ARHGAP24: variants seen among roughly 807,000 people sequenced by gnomAD.
ARHGAP24 encodes the protein rho GTPase-activating protein 24.
Under a neutral mutation model 76.4 loss-of-function variants are expected in ARHGAP24, and 50 were observed. That is an observed-to-expected ratio of 0.65 (90% CI 0.52 to 0.83). The LOEUF (loss-of-function observed/expected upper bound fraction) is 0.83. ARHGAP24 is among the 40% of genes least tolerant of loss of function. The probability of loss-of-function intolerance (pLI) is 0.00; values close to 1 mark genes in which losing one functional copy is unlikely to be tolerated. For synonymous variants in ARHGAP24, 345 were observed against 323.3 expected (o/e 1.07, Z -0.72); for missense variants, 930 against 914.2 (o/e 1.02, Z -0.22).
rs761314516 is a variant in ARHGAP24 at position 85,995,177 on chromosome 4, A to G, written c.1523A>G (p.Tyr508Cys). Residue 508 changes from tyrosine (Y) to cysteine (C), a missense_variant, in exon 9 of 10, where the codon TAT becomes TGT. Physicochemically the swap from Tyr to Cys is radical, Grantham distance 194 (BLOSUM62 -2). Transcript: ENST00000395184. ...AACATGAGCTGGCTGCCAAATGGCTATGTGACCCTGAGGGATAACAAGCAG... is the reference window on the plus strand; with the variant it reads ...AACATGAGCTGGCTGCCAAATGGCTGTGTGACCCTGAGGGATAACAAGCAG... ...VRNMSWLPNG[Y>C]VTLRDNKQKE... is the part of the protein sequence containing the mutation. 44 of 1,613,932 alleles carry G rather than the reference A, an allele frequency of 2.7e-5. No homozygotes were observed. The South Asian group carries it at 4.7e-4, about 17-fold the overall frequency.
At chr4:85,623,642 C>T (rs1404545698) in intron 2 of ARHGAP24, among the ~76,000 whole-genome samples, 3 of 151,656 alleles carry the variant, frequency 2.0e-5, no homozygotes, top group African/African-American at 4.8e-5. Context: ...TCATTGGTAG[C>T]TTGATGGGGA....
At chr4:85,722,148 C>A in intron 3 of ARHGAP24, 176 bp downstream of exon 3, 1 of 590,376 alleles carries the variant, frequency 1.7e-6, no homozygotes, top group East Asian at 3.1e-5. Context: ...AATGAATGCA[C>A]TCACACACAC....
intron 3 of ARHGAP24, among the ~76,000 whole-genome samples, chr4:85,873,446 G>C (rs1732653810): frequency 6.6e-6 from 1 of 152,066 alleles, no homozygotes; most frequent in South Asian, 2.1e-4. Context: ...GCAAATACTG[G>C]GAATTATCTA....
intron 2 of ARHGAP24, among the ~76,000 whole-genome samples, chr4:85,609,355 G>A (rs577244035): frequency 1.1e-4 from 16 of 152,142 alleles, no homozygotes; most frequent in East Asian, 1.9e-4. Context: ...CACTGTCCTC[G>A]TCCAATTGAT....
chr4:85,730,626 C>T (rs1312141805), intron 3 of ARHGAP24, among the ~76,000 whole-genome samples: 1 of 152,078 alleles, frequency 6.6e-6, no homozygotes, highest in Non-Finnish European at 1.5e-5. Context: ...CCAGGCTGGT[C>T]TCAAATCCCT....
chr4:85,696,906 G>GA lies in ARHGAP24; in HGVS notation c.181-24973dup, dbSNP rs34917725. Among the ~76,000 whole-genome samples, 671 of 152,240 alleles carry GA rather than the reference G, an allele frequency of 4.4e-3. 4 individuals carry two copies. Among genetic ancestry groups the GA allele is most frequent in the African/African-American group, 0.016 (649 of 41,536 alleles). On this transcript the variant is annotated intron_variant, in intron 2 of 9. Coordinates refer to ENST00000395184, the MANE Select transcript of ARHGAP24 (RefSeq NM_001025616.3). Reference sequence around the variant, plus strand: ...TGAGGATGGCCCTGTCTTGTCAGTGGAAAAAAGAGGCATTGAAAGGGATGA... The same window carrying GA: ...TGAGGATGGCCCTGTCTTGTCAGTGGAAAAAAAGAGGCATTGAAAGGGATGA...
intron 8 of ARHGAP24, among the ~76,000 whole-genome samples, chr4:85,992,501 G>A (rs1360507002): frequency 2.6e-5 from 4 of 152,000 alleles, no homozygotes; most frequent in Admixed American, 6.6e-5. Flanking sequence ...TAGCTATGAC[G>A]GGAAGCAGTG....
Position 85,847,677 on chromosome 4 carries a change from C to T in ARHGAP24, c.269-75971C>T, listed in dbSNP as rs903726876. On this transcript the variant is annotated intron_variant, in intron 3 of 9. Transcript: ENST00000395184. Reference sequence around the variant, plus strand: ...TATACCTGTCCTATTTGAGGAACTGCAAGGTGATCAGTTTGGCTAGAACTG... The same window carrying T: ...TATACCTGTCCTATTTGAGGAACTGTAAGGTGATCAGTTTGGCTAGAACTG... Among the ~76,000 whole-genome samples, 31 of 152,082 alleles carry T rather than the reference C, an allele frequency of 2.0e-4. 1 individual carries two copies. The highest frequency in any genetic ancestry group is 4.4e-5 in the Non-Finnish European group (3 of 68,016).
chr4:85,717,131 T>C (rs1560599215), intron 2 of ARHGAP24, among the ~76,000 whole-genome samples: 1 of 152,134 alleles, frequency 6.6e-6, no homozygotes, highest in African/African-American at 2.4e-5. Context: ...TGGTTTTGGC[T>C]CAAGTGCATG....
chr4:85,965,885 T>C (rs1738563640), intron 5 of ARHGAP24, among the ~76,000 whole-genome samples: 1 of 152,198 alleles, frequency 6.6e-6, no homozygotes, highest in Non-Finnish European at 1.5e-5. Flanking sequence ...CATTACCTGG[T>C]ACTCTGACAG....
At chr4:85,694,627 A>ACTTT (rs1255432363) in intron 2 of ARHGAP24, among the ~76,000 whole-genome samples, 11 of 152,286 alleles carry the variant, frequency 7.2e-5, no homozygotes, top group African/African-American at 2.6e-4. Flanking sequence ...ATCCTTGAAG[A>ACTTT]CACTGTCCCT....
intron 1 of ARHGAP24, among the ~76,000 whole-genome samples, chr4:85,550,155 T>C (rs1035610441): frequency 6.6e-6 from 1 of 152,216 alleles, no homozygotes; most frequent in African/African-American, 2.4e-5. Context: ...TAATTCTGAT[T>C]TGAGTTCTTT....
chr4:85,785,320 C>T lies in ARHGAP24; in HGVS notation c.268+63348C>T, dbSNP rs1727780990. 2.0e-5 allele frequency among the ~76,000 whole-genome samples: 3 copies of T among 152,170 alleles called. No homozygotes were observed. In the South Asian group the frequency reaches 6.2e-4, roughly 32 times the overall value. ...TTTATCTTAAAGAGACTGCTTTATT[C>T]TCTGAGTTCAATTTGGGTTTTGAAG... is the stretch of plus-strand genomic sequence containing the variant. On this transcript the variant is annotated intron_variant, in intron 3 of 9. Transcript: ENST00000395184.
chr4:85,771,558 T>A (rs1446649671), intron 3 of ARHGAP24, among the ~76,000 whole-genome samples: 2 of 152,212 alleles, frequency 1.3e-5, no homozygotes, highest in Non-Finnish European at 1.5e-5. Context: ...CAATCAGAAA[T>A]AATGTTTTAC....
intron 2 of ARHGAP24, among the ~76,000 whole-genome samples, chr4:85,628,053 G>A (rs958852208): frequency 5.3e-5 from 8 of 152,084 alleles, no homozygotes; most frequent in South Asian, 4.1e-4. Flanking sequence ...GCCCTGCTTC[G>A]GCTTGCACAT....
intron 1 of ARHGAP24, among the ~76,000 whole-genome samples, chr4:85,526,425 T>C (rs1412692189): frequency 1.3e-5 from 2 of 151,854 alleles, no homozygotes; most frequent in Non-Finnish European, 2.9e-5. Flanking sequence ...AACAACTTTT[T>C]TTTTACACTT....
chr4:85,663,126 G>A (rs1017549396), intron 2 of ARHGAP24, among the ~76,000 whole-genome samples: 3 of 151,508 alleles, frequency 2.0e-5, no homozygotes, highest in Admixed American at 6.6e-5. Context: ...CCATTTTCAC[G>A]ATATTGATTC....
intron 3 of ARHGAP24, among the ~76,000 whole-genome samples, chr4:85,885,951 G>A (rs1440739056): frequency 2.0e-5 from 3 of 152,140 alleles, no homozygotes; most frequent in South Asian, 2.1e-4. Flanking sequence ...TTGAAATGCA[G>A]TGTCATCATC....
At chr4:85,597,374 A>T (rs1275869626) in intron 2 of ARHGAP24, among the ~76,000 whole-genome samples, 2 of 152,210 alleles carry the variant, frequency 1.3e-5, no homozygotes, top group East Asian at 1.9e-4. Flanking sequence ...ACTTCGAGTT[A>T]TGTGGTTACT....
Sources: allele counts gnomAD v4.1 joint callset (sites outside exome capture counted in the v4.1 genomes callset), GRCh38; gene constraint gnomAD v4.1.1; transcripts MANE v1.5; gene names NCBI Gene and HGNC (gene_info 2026-07-23, HGNC 2026-07-21).